The following TNS3 variants were observed in gnomAD, a reference collection of about 807,000 sequenced individuals.
TNS3 encodes the protein tensin-3.
A neutral mutation model predicts 140.9 loss-of-function variants in TNS3; 45 were observed. That is an observed-to-expected ratio of 0.32 (90% CI 0.25 to 0.41). The LOEUF (loss-of-function observed/expected upper bound fraction) is 0.41, where lower values mean the gene tolerates loss of function less well. Among genes scored for constraint, TNS3 ranks in the 10% least tolerant of loss-of-function variants. The probability of loss-of-function intolerance (pLI) is 1.00; values close to 1 mark genes in which losing one functional copy is unlikely to be tolerated. For missense variants in TNS3, 1,716 were observed against 1,906.7 expected, an observed-to-expected ratio of 0.90 and a Z score of 1.86; for synonymous variants, 815 against 788.4, an observed-to-expected ratio of 1.03 and a Z score of -0.56.
intron 4 of TNS3, among the ~76,000 whole-genome samples, chr7:47,468,954 T>A (rs928531019): frequency 1.3e-5 from 2 of 152,134 alleles, no homozygotes; most frequent in African/African-American, 4.8e-5. Context: ...AACCATCTAA[T>A]CTTCAACAAG....
chr7:47,538,967 C>A (rs1799702874), intron 1 of TNS3: 4 of 452,096 alleles, frequency 8.8e-6, no homozygotes, highest in South Asian at 6.2e-5. Flanking sequence ...GACACAATAC[C>A]AGGTACATAG....
At chr7:47,491,849 C>T (rs560289517) in intron 3 of TNS3, among the ~76,000 whole-genome samples, 3 of 152,254 alleles carry the variant, frequency 2.0e-5, no homozygotes, top group African/African-American at 4.8e-5. Flanking sequence ...GAGATGGCCC[C>T]GGGTGTATGT....
chr7:47,553,982 T>G (rs1343413421), intron 1 of TNS3, among the ~76,000 whole-genome samples: 2 of 151,948 alleles, frequency 1.3e-5, no homozygotes, highest in Non-Finnish European at 2.9e-5. Flanking sequence ...TTTTTGTATT[T>G]TTAGTAGAGA....
chr7:47,335,172 C>A (rs1464921), intron 20 of TNS3, among the ~76,000 whole-genome samples: 40,595 of 152,106 alleles, frequency 0.27, 5,852 homozygotes, highest in South Asian at 0.34. Context: ...ATACTGTCCT[C>A]CAACACATGG....
In TNS3 at chr7:47,529,064, A is replaced by C. The variant is rs748740803; in HGVS notation, c.-181T>G. On this transcript the variant is annotated 5_prime_UTR_variant, in exon 2 of 31. It adds an upstream start codon to the 5' untranslated region. Transcript: ENST00000311160. The stretch of plus-strand genomic sequence containing the variant: ...GGCATGAAATACCTTGACCGTCAAT[A>C]ATTTGTTTGCAAACTCCACACACTT... 27 of 1,288,682 alleles carry C rather than the reference A, an allele frequency of 2.1e-5. No individual in the cohort carries two copies. The highest frequency in any genetic ancestry group is 1.2e-4 in the Admixed American group (5 of 43,242). 79.8% of individuals were successfully genotyped at this position (1,288,682 alleles called of 1,614,324 possible).
chr7:47,369,592 T>G lies in TNS3; in HGVS notation c.1054A>C (p.Ser352Arg), dbSNP rs748763768. 62 of 1,598,528 alleles carry G rather than the reference T, an allele frequency of 3.9e-5. No individual in the cohort carries two copies. Among genetic ancestry groups the G allele is most frequent in the Non-Finnish European group, 4.7e-5 (55 of 1,171,902 alleles). Residue 352 changes from serine (S) to arginine (R), a missense_variant, in exon 17 of 31, where the codon AGC becomes CGC. This residue lies in a region of TNS3 where 1,163 missense variants were observed against 1,182.1 expected (regional missense o/e 0.98). Coordinates refer to ENST00000311160, the MANE Select transcript of TNS3 (RefSeq NM_022748.12). ...VLHTQGPVDGSLYAKVRKKSS... is the reference protein window; with the variant it reads ...VLHTQGPVDGRLYAKVRKKSS... ...TTCTTCCTCACCTTCGCGTAAAGGC[T>G]GCCATCGACAGGGCCCTGCGTGTGT...
At chr7:47,436,982 A>G (rs1795215436) in intron 7 of TNS3, among the ~76,000 whole-genome samples, 1 of 152,202 alleles carries the variant, frequency 6.6e-6, no homozygotes, top group Non-Finnish European at 1.5e-5. Flanking sequence ...TACCAATGCC[A>G]ACTTCCTGAC....
chr7:47,458,083 C>T (rs1796330564), intron 4 of TNS3, among the ~76,000 whole-genome samples: 2 of 144,570 alleles, frequency 1.4e-5, no homozygotes, highest in Admixed American at 1.5e-4. Flanking sequence ...GTCAATATGC[C>T]ACATACATGA....
chr7:47,294,587 ATGTCTGCCTAAACTTC>A (rs1454179872), intron 24 of TNS3, among the ~76,000 whole-genome samples: 1 of 152,206 alleles, frequency 6.6e-6, no homozygotes, highest in East Asian at 1.9e-4. Context: ...CCATTGGGGC[ATGTCTGCCTAAACTTC>A]TAATATTTCT....
chr7:47,508,071 G>T (rs1245163591), intron 2 of TNS3, among the ~76,000 whole-genome samples: 2 of 152,188 alleles, frequency 1.3e-5, no homozygotes, highest in Non-Finnish European at 2.9e-5. Context: ...AGGGAGAGGG[G>T]CCCCACATCC....
chr7:47,297,185 C>T lies in TNS3; in HGVS notation c.3573G>A (p.Pro1191=), dbSNP rs368424663. 87 of 1,613,008 alleles carry T rather than the reference C, an allele frequency of 5.4e-5. No individual in the cohort carries two copies. The African/African-American group carries it at 1.0e-3, about 19-fold the overall frequency. The change falls in exon 24 of 31, where the codon CCG becomes CCA. Residue 1191 remains proline, a synonymous_variant. Coordinates refer to ENST00000311160, the MANE Select transcript of TNS3 (RefSeq NM_022748.12). Reference sequence around the variant, plus strand: ...GGCTGTCTCGAACAATGAATGAGCCCGGCTCCTTGTCCTTCAACATGGCGA... The same window carrying T: ...GGCTGTCTCGAACAATGAATGAGCCTGGCTCCTTGTCCTTCAACATGGCGA... ...QAIAMLKDKE[P]GSFIVRDSHS...
intron 16 of TNS3, among the ~76,000 whole-genome samples, chr7:47,384,331 T>C (rs956814859): frequency 1.3e-5 from 2 of 152,208 alleles, no homozygotes; most frequent in East Asian, 3.9e-4. Flanking sequence ...CAGAACACTT[T>C]CACCCAAAAC....
chr7:47,388,251 C>G (rs1193287238), intron 16 of TNS3, among the ~76,000 whole-genome samples: 2 of 152,186 alleles, frequency 1.3e-5, no homozygotes, highest in Non-Finnish European at 2.9e-5. Context: ...CACATACACA[C>G]ACACACACTG....
intron 16 of TNS3, among the ~76,000 whole-genome samples, chr7:47,375,333 ACTGT>A (rs1170089584): frequency 6.6e-6 from 1 of 152,220 alleles, no homozygotes; most frequent in Non-Finnish European, 1.5e-5. Context: ...GAGGCTGTCC[ACTGT>A]CTGGCAACGA....
At chr7:47,472,765 A>G (rs1159746878) in intron 4 of TNS3, among the ~76,000 whole-genome samples, 1 of 152,154 alleles carries the variant, frequency 6.6e-6, no homozygotes, top group Admixed American at 6.5e-5. Context: ...GCTGGTCTGC[A>G]CTTGCTCCAA....
rs370998330 is a variant in TNS3 at position 47,560,135 on chromosome 7, A to G, written c.-265+21916T>C. 9.9e-5 allele frequency among the ~76,000 whole-genome samples: 15 copies of G among 151,328 alleles called. No individual in the cohort carries two copies. In the East Asian group the frequency reaches 2.7e-3, roughly 28 times the overall value. On this transcript the variant is annotated intron_variant, in intron 1 of 30. Coordinates refer to ENST00000311160, the MANE Select transcript of TNS3 (RefSeq NM_022748.12). ...ACCCGCCCCCCTACCCCCAATTCCT[A>G]TGTTGAAGACCTGAACCCCAAGGTG... is the stretch of plus-strand genomic sequence containing the variant.
chr7:47,346,058 G>A, intron 18 of TNS3, 129 bp downstream of exon 18: 2 of 1,224,114 alleles, frequency 1.6e-6, no homozygotes, highest in East Asian at 2.5e-5. Flanking sequence ...CAGGACGGAA[G>A]GTGGGTGCGG....
intron 2 of TNS3, among the ~76,000 whole-genome samples, chr7:47,519,849 A>G (rs1470554297): frequency 2.1e-5 from 2 of 95,938 alleles, no homozygotes; most frequent in Admixed American, 1.7e-4. Flanking sequence ...TTTGAGACGG[A>G]GTCTCGCTCT....
intron 20 of TNS3, among the ~76,000 whole-genome samples, chr7:47,319,188 T>C (rs1003554646): frequency 1.3e-5 from 2 of 152,168 alleles, no homozygotes; most frequent in Non-Finnish European, 2.9e-5. Flanking sequence ...AAAAGAGGTT[T>C]ATTTGGCTCA....
Sources: allele counts gnomAD v4.1 joint callset (sites outside exome capture counted in the v4.1 genomes callset), GRCh38; gene constraint gnomAD v4.1.1; regional missense constraint gnomAD v4.1.1; transcripts MANE v1.5; gene names NCBI Gene and HGNC (gene_info 2026-07-23, HGNC 2026-07-21).